The following DNAI4 variants were observed in gnomAD, a reference collection of about 807,000 sequenced individuals.
DNAI4 encodes WD repeat domain 78.
A neutral mutation model predicts 105.8 loss-of-function variants in DNAI4; 85 were observed. The ratio of observed to expected loss-of-function variants is 0.80; its 90% CI spans 0.67 to 0.96. The LOEUF is 0.96. Among genes scored for constraint, DNAI4 ranks in the 40% least tolerant of loss-of-function variants. DNAI4 has a pLI of 0.00. For synonymous variants in DNAI4, 352 were observed against 331.5 expected (o/e 1.06, Z -0.67); for missense variants, 1,014 against 1,005.6 (o/e 1.01, Z -0.11).
intron 16 of DNAI4, among the ~76,000 whole-genome samples, chr1:66,821,091 C>CT (rs55811909): frequency 0.012 from 973 of 79,756 alleles, 14 homozygotes; most frequent in African/African-American, 0.022. Flanking sequence ...AAACATTTCT[C>CT]TTTTTTTTTT....
intron 7 of DNAI4, 119 bp from the exon 8 acceptor site, chr1:66,847,797 T>G: frequency 1.3e-6 from 1 of 784,426 alleles, no homozygotes; most frequent in Non-Finnish European, 2.0e-6. Context: ...TTCCAACAAC[T>G]TTAATAGACA....
At chr1:66,899,942 CAT>C (rs145365377) in intron 2 of DNAI4, among the ~76,000 whole-genome samples, 12,232 of 152,220 alleles carry the variant, frequency 0.08, 614 homozygotes, top group African/African-American at 0.14. Context: ...GCCAATAACA[CAT>C]GATTTTGATT....
intron 1 of DNAI4, among the ~76,000 whole-genome samples, chr1:66,914,115 A>T (rs1180052013): frequency 6.6e-6 from 1 of 152,152 alleles, no homozygotes; most frequent in Non-Finnish European, 1.5e-5. Context: ...TAGAAAAAAA[A>T]TAAAAATAAA....
chr1:66,893,057 G>GAAAGAA (rs1557965213), intron 3 of DNAI4, among the ~76,000 whole-genome samples, 172 bp downstream of exon 3: 1 of 91,340 alleles, frequency 1.1e-5, no homozygotes, highest in African/African-American at 4.7e-5. Flanking sequence ...GAAAGAAAGA[G>GAAAGAA]AGAGAGAGAA....
chr1:66,874,780 C>G lies in DNAI4; in HGVS notation c.800+1G>C. On this transcript the variant is annotated splice_donor_variant, in intron 5 of 16. Transcript: ENST00000371026. LOFTEE classifies it high-confidence loss of function. ...AATGTAGACAACTGAACCATACATA[C>G]GTTACTTTCTCAGCTTCTTCAGATT... 2 of 1,604,440 alleles carry G rather than the reference C, an allele frequency of 1.2e-6. No homozygotes were observed. The highest frequency in any genetic ancestry group is 8.5e-7 in the Non-Finnish European group (1 of 1,177,352).
chr1:66,922,300 T>C (rs1455209093), intron 1 of DNAI4, among the ~76,000 whole-genome samples: 1 of 138,562 alleles, frequency 7.2e-6, no homozygotes, highest in Non-Finnish European at 1.5e-5. Context: ...ATTATTACTT[T>C]ATATGGGGTG....
chr1:66,874,691 C>T, intron 5 of DNAI4, 90 bp downstream of exon 5: 3 of 1,377,356 alleles, frequency 2.2e-6, no homozygotes, highest in East Asian at 2.3e-5. Context: ...ACCCCAGAAC[C>T]CCCAAGGACC....
chr1:66,875,156 C>A (rs1392833025), intron 4 of DNAI4, among the ~76,000 whole-genome samples: 1 of 152,008 alleles, frequency 6.6e-6, no homozygotes, highest in Non-Finnish European at 1.5e-5. Context: ...AACAAGCCTA[C>A]CCCAGTCTAA....
intron 13 of DNAI4, among the ~76,000 whole-genome samples, chr1:66,829,645 C>G (rs1437847560): frequency 6.6e-6 from 1 of 152,054 alleles, no homozygotes; most frequent in African/African-American, 2.4e-5. Flanking sequence ...ACCTCTTTCT[C>G]AATAATTGAA....
intron 2 of DNAI4, among the ~76,000 whole-genome samples, chr1:66,894,575 A>T (rs1648152870): frequency 1.3e-5 from 2 of 152,108 alleles, no homozygotes; most frequent in Admixed American, 1.3e-4. Flanking sequence ...CCCAGCCCTG[A>T]AGTCCTATAT....
At chr1:66,857,311 G>C (rs1646522080) in intron 7 of DNAI4, among the ~76,000 whole-genome samples, 1 of 120,170 alleles carries the variant, frequency 8.3e-6, no homozygotes, top group South Asian at 2.8e-4. Flanking sequence ...ACAGGAAGGG[G>C]AACATCATAC....
intron 2 of DNAI4, among the ~76,000 whole-genome samples, chr1:66,897,616 C>G (rs1429071638): frequency 2.6e-5 from 4 of 152,158 alleles, no homozygotes; most frequent in African/African-American, 9.7e-5. Flanking sequence ...CAAGAGCCCA[C>G]TACCCAGAAC....
intron 4 of DNAI4, among the ~76,000 whole-genome samples, chr1:66,884,436 C>G (rs557643506): frequency 1.3e-5 from 2 of 152,174 alleles, no homozygotes; most frequent in African/African-American, 4.8e-5. Flanking sequence ...TTCCCATCAA[C>G]AGTGTATAAG....
intron 15 of DNAI4, among the ~76,000 whole-genome samples, chr1:66,824,262 G>C (rs1391971758): frequency 7.0e-6 from 1 of 143,874 alleles, no homozygotes; most frequent in African/African-American, 2.6e-5. Context: ...CTGTTCCATT[G>C]ATCTATATCT....
intron 2 of DNAI4, among the ~76,000 whole-genome samples, chr1:66,901,994 T>C (rs566328505): frequency 6.6e-6 from 1 of 152,188 alleles, no homozygotes; most frequent in South Asian, 2.1e-4. Flanking sequence ...GCTATGTTGT[T>C]CAGGCTGGTC....
At chr1:66,831,047 G>A (rs1645857026) in intron 13 of DNAI4, among the ~76,000 whole-genome samples, 1 of 149,896 alleles carries the variant, frequency 6.7e-6, no homozygotes, top group Non-Finnish European at 1.5e-5. Flanking sequence ...TGCTAAGGGA[G>A]TATTATGTCA....
At chr1:66,900,093 G>C (rs888547346) in intron 2 of DNAI4, among the ~76,000 whole-genome samples, 10 of 151,982 alleles carry the variant, frequency 6.6e-5, no homozygotes, top group Admixed American at 5.9e-4. Context: ...TTTTGAGACA[G>C]AGTTTTGCTC....
At chr1:66,904,002 T>C (rs562254283) in intron 2 of DNAI4, among the ~76,000 whole-genome samples, 1 of 151,540 alleles carries the variant, frequency 6.6e-6, no homozygotes, top group East Asian at 1.9e-4. Context: ...TATAAATAAA[T>C]GAAATATAGT....
At chr1:66,833,952 G>T in intron 12 of DNAI4, 39 bp downstream of exon 12, 1 of 1,552,706 alleles carries the variant, frequency 6.4e-7, no homozygotes, top group Non-Finnish European at 8.7e-7. Flanking sequence ...TTTTAATTCA[G>T]CACGTAACAA....
Sources: gnomAD v4.1 joint callset for allele counts (sites outside exome capture counted in the v4.1 genomes callset) on GRCh38, gnomAD v4.1.1 for gene constraint, MANE v1.5 for transcripts, NCBI Gene and HGNC (gene_info 2026-07-23, HGNC 2026-07-21) for gene names.